Variants in UST observed in about 807,000 individuals in gnomAD.
UST encodes uronyl 2-sulfotransferase, also known as chondroitin sulfate 2-O-sulfotransferase.
In UST, 21 loss-of-function variants were observed where a neutral mutation model predicts 45.6. The observed-to-expected ratio is 0.46, with a 90% CI of 0.33 to 0.66. UST has a LOEUF of 0.66. Among genes scored for constraint, UST ranks in the 30% least tolerant of loss-of-function variants. The pLI, the probability that UST is intolerant of heterozygous loss-of-function variation, is 0.02. For missense variants in UST, 463 were observed against 512.4 expected (o/e 0.90, Z 0.93); for synonymous variants, 215 against 200.6 (o/e 1.07, Z -0.61).
intron 2 of UST, among the ~76,000 whole-genome samples, chr6:148,918,092 G>A (rs886088859): frequency 2.0e-5 from 3 of 152,098 alleles, no homozygotes; most frequent in African/African-American, 7.2e-5. Context: ...AAGCCCTCGT[G>A]GGGTTAAAAT....
intron 1 of UST, among the ~76,000 whole-genome samples, chr6:148,800,750 G>T (rs1582820391): frequency 6.7e-6 from 1 of 148,980 alleles, no homozygotes. Flanking sequence ...TATAGCCAAT[G>T]ATTACATAAC....
chr6:148,877,470 TG>T (rs1213942983), intron 1 of UST, among the ~76,000 whole-genome samples: 3 of 27,464 alleles, frequency 1.1e-4, no homozygotes, highest in Non-Finnish European at 1.9e-4. Flanking sequence ...TGTATGAGTG[TG>T]GGGGGTCATG....
chr6:149,061,653 C>T (rs1046895054), intron 7 of UST, among the ~76,000 whole-genome samples: 3 of 152,210 alleles, frequency 2.0e-5, no homozygotes. Context: ...GTGCCTGGTG[C>T]CGGGCAGAGA....
intron 2 of UST, among the ~76,000 whole-genome samples, chr6:148,915,097 G>A (rs1467526158): frequency 1.3e-5 from 2 of 152,048 alleles, no homozygotes; most frequent in Non-Finnish European, 2.9e-5. Context: ...TATGCCTCAG[G>A]ACCTAATCAC....
chr6:148,996,733 G>T (rs1212722521), intron 5 of UST, among the ~76,000 whole-genome samples: 1 of 152,178 alleles, frequency 6.6e-6, no homozygotes, highest in Non-Finnish European at 1.5e-5. Flanking sequence ...TTCTGTTTTA[G>T]TAGTTCTTCA....
At chr6:148,895,877 A>G (rs1356776584) in intron 2 of UST, among the ~76,000 whole-genome samples, 3 of 152,232 alleles carry the variant, frequency 2.0e-5, no homozygotes, top group African/African-American at 4.8e-5. Flanking sequence ...ACTAATACAC[A>G]AAACTACCAC....
At chr6:148,868,694 G>GAA (rs1175983688) in intron 1 of UST, among the ~76,000 whole-genome samples, 2 of 152,132 alleles carry the variant, frequency 1.3e-5, no homozygotes, top group Non-Finnish European at 2.9e-5. Context: ...CCAGGGTTTT[G>GAA]AAAATTACAT....
At chr6:148,821,794 G>A (rs916076303) in intron 1 of UST, among the ~76,000 whole-genome samples, 4 of 151,996 alleles carry the variant, frequency 2.6e-5, no homozygotes, top group African/African-American at 7.3e-5. Context: ...TTTCTCCCCC[G>A]TTTACTTATT....
intron 7 of UST, among the ~76,000 whole-genome samples, chr6:149,056,440 C>T (rs1434032739): frequency 6.6e-6 from 1 of 152,154 alleles, no homozygotes; most frequent in East Asian, 1.9e-4. Context: ...GCCATGATAC[C>T]CAGGGATTTT....
At chr6:148,906,534 G>A (rs1316134986) in intron 2 of UST, among the ~76,000 whole-genome samples, 3 of 152,188 alleles carry the variant, frequency 2.0e-5, no homozygotes, top group Non-Finnish European at 2.9e-5. Flanking sequence ...ATACACAATG[G>A]TCACTGAGGA....
chr6:148,962,963 T>C (rs1318119373), intron 4 of UST, among the ~76,000 whole-genome samples: 2 of 152,170 alleles, frequency 1.3e-5, no homozygotes, highest in Non-Finnish European at 2.9e-5. Flanking sequence ...CACACTCAGA[T>C]GTTCATTTCT....
chr6:149,032,054 T>C (rs949945049), intron 7 of UST, among the ~76,000 whole-genome samples: 1 of 152,212 alleles, frequency 6.6e-6, no homozygotes, highest in Admixed American at 6.5e-5. Flanking sequence ...ACCCAGCCTC[T>C]TGGAGCCAGG....
intron 1 of UST, among the ~76,000 whole-genome samples, chr6:148,758,977 C>A (rs1444594069): frequency 1.3e-5 from 2 of 152,160 alleles, no homozygotes; most frequent in Non-Finnish European, 2.9e-5. Flanking sequence ...CAGAGCCATG[C>A]GGCTGGATGG....
At chr6:148,892,583 A>C (rs576010921) in intron 2 of UST, among the ~76,000 whole-genome samples, 7 of 152,220 alleles carry the variant, frequency 4.6e-5, no homozygotes, top group Non-Finnish European at 1.0e-4. Context: ...TAAAATTAAA[A>C]AAATAAAAAT....
At chr6:148,908,434 T>G (rs1489111731) in intron 2 of UST, among the ~76,000 whole-genome samples, 1 of 152,222 alleles carries the variant, frequency 6.6e-6, no homozygotes. Context: ...ACCAAAAGAA[T>G]CATTTCCATT....
At position 148,748,813 on chromosome 6, in the gene UST, G is replaced by A. The variant is rs1342051714; in HGVS notation, c.247+1136G>A. On this transcript the variant is annotated intron_variant, in intron 1 of 7. Coordinates refer to ENST00000367463, the MANE Select transcript of UST (RefSeq NM_005715.3). This position sits in a 1 kb window ranked among gnomAD's most constrained non-coding sequence, Gnocchi z 5.3. Reference sequence around the variant, plus strand: ...CCACCGAAGTGCTGGAAAGAAAATGGGCCAAATGACCCGGGCCAGCTGGAG... The same window carrying A: ...CCACCGAAGTGCTGGAAAGAAAATGAGCCAAATGACCCGGGCCAGCTGGAG... Among the ~76,000 whole-genome samples the A allele has an allele frequency of 6.6e-6, 1 of 152,046 alleles. No individual in the cohort carries two copies. Among genetic ancestry groups the A allele is most frequent in the South Asian group, 2.1e-4 (1 of 4,816 alleles).
At chr6:148,921,183 C>A (rs1779698382) in intron 2 of UST, among the ~76,000 whole-genome samples, 1 of 152,204 alleles carries the variant, frequency 6.6e-6, no homozygotes, top group Non-Finnish European at 1.5e-5. Context: ...AATCCAGAGT[C>A]CCTGGGCTGA....
rs1191736931 is a variant in UST at position 149,022,552 on chromosome 6, A to T, written c.937+1071A>T. ...GAGGTGGAGGTTGCAGTGAGCCAAG[A>T]TCGCGCCACTGCACTCCAGCCTAGG... On this transcript the variant is annotated intron_variant, in intron 7 of 7. Coordinates refer to ENST00000367463, the MANE Select transcript of UST (RefSeq NM_005715.3). Among the ~76,000 whole-genome samples, 3 of 152,132 alleles carry T rather than the reference A, an allele frequency of 2.0e-5. No individual in the cohort carries two copies. In the East Asian group the frequency reaches 5.8e-4, roughly 29 times the overall value.
chr6:148,957,852 T>G (rs1329867969), intron 4 of UST, among the ~76,000 whole-genome samples: 1 of 152,206 alleles, frequency 6.6e-6, no homozygotes, highest in African/African-American at 2.4e-5. Flanking sequence ...ACCTATTGCT[T>G]GTTTCAGGAT....
Sources: gnomAD v4.1 joint callset for allele counts (sites outside exome capture counted in the v4.1 genomes callset) on GRCh38, gnomAD v4.1.1 for gene constraint, Gnocchi (gnomAD v3.1) non-coding constraint, MANE v1.5 for transcripts, NCBI Gene and HGNC (gene_info 2026-07-23, HGNC 2026-07-21) for gene names.